The following BMAL2 variants were observed in gnomAD, a reference collection of about 807,000 sequenced individuals.
BMAL2 encodes the protein basic helix-loop-helix ARNT-like protein 2.
chr12:27,351,826 A>G, the BMAL2 span, among the ~76,000 whole-genome samples: 1 of 152,174 alleles, frequency 6.6e-6, no homozygotes, highest in Non-Finnish European at 1.5e-5. Flanking sequence ...GTAACAATCT[A>G]TCTTTTCAAT....
the BMAL2 span, among the ~76,000 whole-genome samples, chr12:27,381,692 C>T: frequency 2.6e-5 from 4 of 152,102 alleles, no homozygotes; most frequent in African/African-American, 4.8e-5. Flanking sequence ...TAGAAATCAC[C>T]CCTGTTTTGG....
At chr12:27,404,763 T>C in the BMAL2 span, among the ~76,000 whole-genome samples, 3 of 152,164 alleles carry the variant, frequency 2.0e-5, no homozygotes, top group African/African-American at 7.2e-5. Flanking sequence ...TGCAGGACAG[T>C]GGGTGCAGCG....
At chr12:27,373,342 T>G in the BMAL2 span, among the ~76,000 whole-genome samples, 1 of 151,906 alleles carries the variant, frequency 6.6e-6, no homozygotes, top group East Asian at 1.9e-4. Flanking sequence ...GAGGCAAAAA[T>G]GATGAGTTCA....
the BMAL2 span, chr12:27,418,046 T>C: frequency 5.5e-6 from 7 of 1,263,800 alleles, no homozygotes; most frequent in Non-Finnish European, 7.9e-6. Context: ...GTCCTTATTC[T>C]AGTAGGAACC....
chr12:27,421,407 G>A, the BMAL2 span: 18 of 152,180 alleles, frequency 1.2e-4, no homozygotes, highest in African/African-American at 3.4e-4. Context: ...AAATTACCCA[G>A]GCACTCACTC....
the BMAL2 span, chr12:27,420,525 C>A: frequency 6.4e-7 from 1 of 1,563,360 alleles, no homozygotes; most frequent in Non-Finnish European, 8.6e-7. Flanking sequence ...ATCCAGTGGA[C>A]CCTCTAGCCT....
At chr12:27,335,034 C>T in the BMAL2 span, among the ~76,000 whole-genome samples, 65 of 152,328 alleles carry the variant, frequency 4.3e-4, no homozygotes, top group African/African-American at 1.5e-3. Flanking sequence ...CTTCCAGACA[C>T]CTGCTTATCT....
chr12:27,403,715 C>A, the BMAL2 span, among the ~76,000 whole-genome samples: 5 of 151,562 alleles, frequency 3.3e-5, no homozygotes, highest in Admixed American at 6.6e-5. Context: ...AATATTCATA[C>A]CAACATGAAA....
chr12:27,341,529 C>G, the BMAL2 span, among the ~76,000 whole-genome samples: 1 of 152,180 alleles, frequency 6.6e-6, no homozygotes, highest in Non-Finnish European at 1.5e-5. Flanking sequence ...AGCTACTTAT[C>G]TCTTTAAATA....
chr12:27,421,391 C>CA, the BMAL2 span: 12 of 151,768 alleles, frequency 7.9e-5, no homozygotes, highest in East Asian at 1.9e-4. Flanking sequence ...ACTAAAAATA[C>CA]AAAAAAAATT....
At chr12:27,411,151 A>T in the BMAL2 span, among the ~76,000 whole-genome samples, 1 of 151,970 alleles carries the variant, frequency 6.6e-6, no homozygotes, top group East Asian at 1.9e-4. Flanking sequence ...CTTTTGAGGC[A>T]GGGTCTTGCT....
At chr12:27,354,071 A>G in the BMAL2 span, among the ~76,000 whole-genome samples, 8 of 152,354 alleles carry the variant, frequency 5.3e-5, no homozygotes, top group South Asian at 1.4e-3. Context: ...TACTAGGTGT[A>G]TACCCAAAGG....
chr12:27,381,014 ATTAAGT>A, the BMAL2 span, among the ~76,000 whole-genome samples: 97 of 152,174 alleles, frequency 6.4e-4, 1 homozygote, highest in East Asian at 0.011. Flanking sequence ...AGTATTAATT[ATTAAGT>A]TATTGAGAGA....
chr12:27,357,899 C>T, the BMAL2 span, among the ~76,000 whole-genome samples: 9 of 151,934 alleles, frequency 5.9e-5, no homozygotes, highest in Non-Finnish European at 8.8e-5. Context: ...GACCTAAAAC[C>T]GTAAAAATTC....
the BMAL2 span, among the ~76,000 whole-genome samples, chr12:27,413,329 G>T: frequency 6.6e-6 from 1 of 152,166 alleles, no homozygotes. Flanking sequence ...ACAATAATTT[G>T]TTAATGAATA....
chr12:27,390,685 C>T, the BMAL2 span, among the ~76,000 whole-genome samples: 17 of 152,236 alleles, frequency 1.1e-4, no homozygotes, highest in East Asian at 1.4e-3. Context: ...GGTGATTCTT[C>T]GGTAAATATC....
chr12:27,390,222 C>A, the BMAL2 span: 1 of 1,613,422 alleles, frequency 6.2e-7, no homozygotes, highest in African/African-American at 1.3e-5. Context: ...GGATGCTTAC[C>A]CAACTCAAAG....
the BMAL2 span, among the ~76,000 whole-genome samples, chr12:27,363,984 C>A: frequency 6.6e-6 from 1 of 152,168 alleles, no homozygotes; most frequent in Non-Finnish European, 1.5e-5. Flanking sequence ...TTATTTCTGA[C>A]AATTCTAGAG....
chr12:27,375,551 C>T, the BMAL2 span, among the ~76,000 whole-genome samples: 1 of 152,090 alleles, frequency 6.6e-6, no homozygotes, highest in Non-Finnish European at 1.5e-5. Flanking sequence ...GCTAAATAAT[C>T]ATTGTATGTA....
Sources: allele counts gnomAD v4.1 joint callset (sites outside exome capture counted in the v4.1 genomes callset), GRCh38; gene constraint gnomAD v4.1.1; transcripts MANE v1.5; gene names NCBI Gene and HGNC (gene_info 2026-07-23, HGNC 2026-07-21).